Variants in TMOD2 observed in about 807,000 individuals in gnomAD.
The protein encoded by TMOD2 is tropomodulin 2.
A neutral mutation model predicts 39.9 loss-of-function variants in TMOD2; 22 were observed. The observed-to-expected ratio is 0.55, with a 90% CI of 0.39 to 0.79. The LOEUF is 0.79. Ranked by LOEUF, TMOD2 falls within the 30% of genes least tolerant of loss-of-function variation. TMOD2 has a pLI of 0.00. For synonymous variants in TMOD2, 123 were observed against 146.1 expected, an observed-to-expected ratio of 0.84 and a Z score of 1.14; for missense variants, 386 against 413.3, an observed-to-expected ratio of 0.93 and a Z score of 0.57.
At chr15:51,801,283 A>ACACACACACC (rs1484824575) in intron 8 of TMOD2, among the ~76,000 whole-genome samples, 15 of 125,950 alleles carry the variant, frequency 1.2e-4, no homozygotes, top group African/African-American at 4.3e-4. Context: ...ACACACACAC[A>ACACACACACC]CCCTGTCTCT....
At chr15:51,754,188 C>T (rs904759061) in intron 1 of TMOD2, among the ~76,000 whole-genome samples, 2 of 152,162 alleles carry the variant, frequency 1.3e-5, no homozygotes, top group Non-Finnish European at 2.9e-5. Context: ...TCTAGCCCTA[C>T]CCAAGAACCA....
chr15:51,806,630 A>T, intron 9 of TMOD2, 109 bp downstream of exon 9: 1 of 1,262,976 alleles, frequency 7.9e-7, no homozygotes, highest in Non-Finnish European at 1.1e-6. Context: ...CTCTGATGTC[A>T]CTCACTTCTT....
Position 51,813,161 on chromosome 15 carries a change from T to G in TMOD2, c.*4707T>G, listed in dbSNP as rs1430705321. ...TAAGAAGTCAAATTGCTGACCGAGG[T>G]GGGGAAGGATGATGGAAATTAAAGG... On this transcript the variant is annotated 3_prime_UTR_variant, in exon 10 of 10. Transcript: ENST00000249700. 2.0e-5 allele frequency: 3 copies of G among 152,132 alleles called. No homozygotes were observed. Among genetic ancestry groups the G allele is most frequent in the Non-Finnish European group, 4.4e-5 (3 of 68,022 alleles). The allele number at this position is 152,132 out of a possible 1,614,324, so 9.4% of individuals were successfully genotyped here.
At chr15:51,769,979 C>A (rs527472479) in intron 3 of TMOD2, among the ~76,000 whole-genome samples, 1 of 152,116 alleles carries the variant, frequency 6.6e-6, no homozygotes, top group African/African-American at 2.4e-5. Context: ...TGCAGTGAGC[C>A]GTGATCATGC....
At chr15:51,774,239 G>C (rs1394402049) in intron 4 of TMOD2, among the ~76,000 whole-genome samples, 5 of 152,154 alleles carry the variant, frequency 3.3e-5, no homozygotes, top group Non-Finnish European at 7.3e-5. Context: ...AAAACGCTAA[G>C]AAGTCCATTA....
intron 7 of TMOD2, among the ~76,000 whole-genome samples, chr15:51,791,549 A>G (rs886371609): frequency 6.6e-6 from 1 of 152,190 alleles, no homozygotes; most frequent in Non-Finnish European, 1.5e-5. Context: ...CATAGCCAAG[A>G]CAATCCTGGG....
intron 2 of TMOD2, 72 bp from the exon 3 acceptor site, chr15:51,768,190 G>C (rs2055828788): frequency 3.2e-6 from 5 of 1,547,436 alleles, no homozygotes; most frequent in Non-Finnish European, 4.4e-6. Context: ...TAGTGAGTGG[G>C]GGTGGAAGAG....
chr15:51,773,535 C>T (rs766063914), intron 3 of TMOD2, among the ~76,000 whole-genome samples, 177 bp from the exon 4 acceptor site: 6 of 152,176 alleles, frequency 3.9e-5, no homozygotes, highest in South Asian at 2.1e-4. Context: ...TGTTCCTTCC[C>T]TCTGACAGTG....
chr15:51,776,907 A>G (rs906973729), intron 4 of TMOD2, 25 bp from the exon 5 acceptor site: 13 of 1,598,186 alleles, frequency 8.1e-6, no homozygotes, highest in Non-Finnish European at 1.1e-5. Flanking sequence ...TCCAAACTTA[A>G]TGCTCATTTG....
At chr15:51,757,677 T>A (rs2055751897) in intron 1 of TMOD2, among the ~76,000 whole-genome samples, 2 of 152,154 alleles carry the variant, frequency 1.3e-5, no homozygotes. Flanking sequence ...GAGGGGAGGC[T>A]GTAGCAGTGC....
At chr15:51,799,743 A>G (rs1041697298) in intron 8 of TMOD2, among the ~76,000 whole-genome samples, 1 of 152,206 alleles carries the variant, frequency 6.6e-6, no homozygotes, top group Non-Finnish European at 1.5e-5. Flanking sequence ...GTAAGGAAAC[A>G]AGCCAGAGAG....
intron 1 of TMOD2, among the ~76,000 whole-genome samples, chr15:51,757,576 G>A (rs1179786102): frequency 6.6e-6 from 1 of 152,128 alleles, no homozygotes; most frequent in East Asian, 1.9e-4. Flanking sequence ...CAGGACTCCT[G>A]GAAGCCTTGT....
chr15:51,789,729 G>A (rs2055996781), intron 7 of TMOD2, among the ~76,000 whole-genome samples: 1 of 152,162 alleles, frequency 6.6e-6, no homozygotes, highest in Non-Finnish European at 1.5e-5. Context: ...ACAACTACGT[G>A]GAAACTGAAC....
intron 7 of TMOD2, among the ~76,000 whole-genome samples, chr15:51,789,103 C>T (rs1243097601): frequency 1.3e-5 from 2 of 151,974 alleles, no homozygotes; most frequent in Admixed American, 1.3e-4. Flanking sequence ...GTGTGCTGTA[C>T]CCAGGAGACC....
rs747938014 is a variant in TMOD2 at position 51,798,355 on chromosome 15, A to C, written c.876+15A>C. The C allele has an allele frequency of 8.1e-6, 13 of 1,612,822 alleles. No individual in the cohort carries two copies. Among genetic ancestry groups the C allele is most frequent in the Non-Finnish European group, 9.3e-6 (11 of 1,179,638 alleles). Reference sequence around the variant, plus strand: ...TTGACAACCAGGTAAGGAAGGCCAGAGAATAGGCAAAGTCAACTCACAGGG... The same window carrying C: ...TTGACAACCAGGTAAGGAAGGCCAGCGAATAGGCAAAGTCAACTCACAGGG... On this transcript the variant is annotated intron_variant, in intron 8 of 9. Transcript: ENST00000249700.
rs2055829997 is a variant in TMOD2, at chr15:51,768,306, G to T, written c.171G>T (p.Gln57His). 1 of 1,614,044 alleles carries T rather than the reference G, an allele frequency of 6.2e-7. No individual in the cohort carries two copies. The highest frequency in any genetic ancestry group is 8.5e-7 in the Non-Finnish European group (1 of 1,180,036). ...GATTTCGACAGAAAGACCAGACACA[G>T]AAGGCAGCCACCGGCCCCTTTGACC... is the stretch of plus-strand genomic sequence containing the variant. The part of the protein sequence containing the change: ...PAGFRQKDQT[Q>H]KAATGPFDRE... Residue 57 changes from glutamine to histidine, a missense_variant, in exon 3 of 10, where the codon CAG (glutamine) becomes CAT (histidine). Gln to His is a conservative substitution (Grantham distance 24). Coordinates refer to ENST00000249700, the MANE Select transcript of TMOD2 (RefSeq NM_014548.4).
intron 1 of TMOD2, among the ~76,000 whole-genome samples, chr15:51,756,091 C>A (rs988846818): frequency 1.3e-5 from 2 of 152,138 alleles, no homozygotes; most frequent in Admixed American, 1.3e-4. Context: ...GAAAAGAAGG[C>A]CAAACACAGG....
At chr15:51,773,655 T>G in intron 3 of TMOD2, 57 bp from the exon 4 acceptor site, 1 of 1,535,446 alleles carries the variant, frequency 6.5e-7, no homozygotes, top group South Asian at 1.3e-5. Flanking sequence ...CTCAGTCTAC[T>G]TACCCTACCA....
intron 7 of TMOD2, among the ~76,000 whole-genome samples, chr15:51,792,300 A>T (rs1389868743): frequency 6.6e-6 from 1 of 152,234 alleles, no homozygotes; most frequent in African/African-American, 2.4e-5. Flanking sequence ...ATGCAAATCA[A>T]AACCACAATG....
Sources: gnomAD v4.1 joint callset for allele counts (sites outside exome capture counted in the v4.1 genomes callset) on GRCh38, gnomAD v4.1.1 for gene constraint, MANE v1.5 for transcripts, NCBI Gene and HGNC (gene_info 2026-07-23, HGNC 2026-07-21) for gene names.